The following CPAMD8 variants were observed in gnomAD, a reference collection of about 807,000 sequenced individuals.
The protein encoded by CPAMD8 is C3 and PZP-like alpha-2-macroglobulin domain-containing protein 8.
CPAMD8 carries 146 observed loss-of-function variants against 224.7 expected under a neutral mutation model. That is an observed-to-expected ratio of 0.65 (90% CI 0.57 to 0.75). The LOEUF (loss-of-function observed/expected upper bound fraction) is 0.75, where lower values mean the gene tolerates loss of function less well. Ranked by LOEUF, CPAMD8 falls within the 30% of genes least tolerant of loss-of-function variation. The pLI is 0.00. For missense variants in CPAMD8, 2,301 were observed against 2,537.5 expected (o/e 0.91, Z 2.00); for synonymous variants, 966 against 1,044.6 (o/e 0.92, Z 1.45).
intron 13 of CPAMD8, among the ~76,000 whole-genome samples, chr19:16,982,625 A>C (rs1287235044): frequency 6.6e-6 from 1 of 152,026 alleles, no homozygotes; most frequent in Admixed American, 6.6e-5. Flanking sequence ...GCTTGAGTTC[A>C]GGAGTTCAAG....
rs919858397 is a variant in CPAMD8 at position 16,954,857 on chromosome 19, G to A, written c.2277-2657C>T. On this transcript the variant is annotated intron_variant, in intron 19 of 41. Transcript: ENST00000443236. ...AATTAGCTAGGCATTGGCTGGGCACGGTGGCTCATGCCTGCAATCCCAGCA... is the reference window on the plus strand; with the variant it reads ...AATTAGCTAGGCATTGGCTGGGCACAGTGGCTCATGCCTGCAATCCCAGCA... 6.4e-4 allele frequency among the ~76,000 whole-genome samples: 96 copies of A among 150,802 alleles called. 1 individual carries two copies. The highest frequency in any genetic ancestry group is 2.1e-3 in the African/African-American group (88 of 41,002).
intron 23 of CPAMD8, among the ~76,000 whole-genome samples, chr19:16,932,572 G>A (rs940755010): frequency 6.7e-6 from 1 of 148,954 alleles, no homozygotes; most frequent in African/African-American, 2.6e-5. Context: ...AAAATAGGAA[G>A]CTTCAATAAT....
At chr19:16,986,578 G>C (rs995230133) in intron 13 of CPAMD8, among the ~76,000 whole-genome samples, 2 of 152,148 alleles carry the variant, frequency 1.3e-5, no homozygotes, top group East Asian at 1.9e-4. Context: ...TCTGCAAAGG[G>C]CTGTTAATCC....
intron 23 of CPAMD8, 94 bp downstream of exon 23, chr19:16,938,301 C>A (rs186705012): frequency 4.9e-6 from 3 of 615,192 alleles, no homozygotes; most frequent in Non-Finnish European, 2.8e-6. Context: ...CACTTTGCAG[C>A]GGGACAGCCC....
At chr19:16,939,148 A>ATTTT (rs1227513791) in intron 22 of CPAMD8, among the ~76,000 whole-genome samples, 5 of 146,072 alleles carry the variant, frequency 3.4e-5, no homozygotes, top group Admixed American at 1.4e-4. Context: ...AGGATGGTCA[A>ATTTT]TTTTATTTAT....
intron 26 of CPAMD8, among the ~76,000 whole-genome samples, chr19:16,923,685 C>T (rs936363467): frequency 3.9e-5 from 6 of 152,156 alleles, no homozygotes; most frequent in African/African-American, 9.7e-5. Flanking sequence ...AAAGAGAGGC[C>T]GGGCATCGTG....
chr19:16,960,567 CT>C (rs78412211), intron 18 of CPAMD8, among the ~76,000 whole-genome samples: 28,013 of 147,124 alleles, frequency 0.19, 2,845 homozygotes, highest in Admixed American at 0.26. Context: ...TTCTTCTATT[CT>C]TTTTTTTTTT....
At chr19:16,912,704 A>C (rs912752099) in intron 29 of CPAMD8, among the ~76,000 whole-genome samples, 1 of 152,120 alleles carries the variant, frequency 6.6e-6, no homozygotes, top group Non-Finnish European at 1.5e-5. Flanking sequence ...CCCTCACCCC[A>C]AGCCAAAGAG....
At chr19:17,019,591 T>C (rs4808554) in intron 3 of CPAMD8, among the ~76,000 whole-genome samples, 26,317 of 152,088 alleles carry the variant, frequency 0.17, 2,358 homozygotes, top group East Asian at 0.27. Context: ...GGCCTCACTC[T>C]GTTGCCCAGG....
rs1194501274 is a variant in CPAMD8 at position 16,942,649 on chromosome 19, C to T, written c.2793+2900G>A. ...CTGGGTCCCAAGAAACCTCTGCTGA[C>T]TCAGCTCACAGAGGACCCCACAGCT... On this transcript the variant is annotated intron_variant, in intron 22 of 41. Coordinates refer to ENST00000443236, the MANE Select transcript of CPAMD8 (RefSeq NM_015692.5). Among the ~76,000 whole-genome samples the T allele has an allele frequency of 3.3e-5, 5 of 152,296 alleles. No homozygotes were observed. The South Asian group carries it at 1.0e-3, about 32-fold the overall frequency.
intron 10 of CPAMD8, among the ~76,000 whole-genome samples, chr19:16,999,790 G>C (rs2056253047): frequency 1.3e-5 from 2 of 152,042 alleles, no homozygotes; most frequent in African/African-American, 4.8e-5. Flanking sequence ...TAAGAGCTGG[G>C]ACTCCAGGCA....
At chr19:16,943,011 CTTTT>C (rs770885168) in intron 22 of CPAMD8, among the ~76,000 whole-genome samples, 1 of 79,434 alleles carries the variant, frequency 1.3e-5, no homozygotes. Flanking sequence ...TTTCTTTTTT[CTTTT>C]TTTTTTTTTT....
At chr19:16,959,462 A>C (rs2054579871) in intron 18 of CPAMD8, among the ~76,000 whole-genome samples, 1 of 151,838 alleles carries the variant, frequency 6.6e-6, no homozygotes. Context: ...GGTGTGGGCC[A>C]CTGTGCCTGG....
chr19:16,912,649 T>A (rs996369181), intron 29 of CPAMD8, among the ~76,000 whole-genome samples: 6 of 152,062 alleles, frequency 3.9e-5, no homozygotes, highest in African/African-American at 1.4e-4. Flanking sequence ...CTCGGGAGTC[T>A]GAAGCTGCCA....
intron 17 of CPAMD8, among the ~76,000 whole-genome samples, chr19:16,974,133 T>G (rs1234099093): frequency 1.3e-5 from 2 of 151,218 alleles, no homozygotes; most frequent in Non-Finnish European, 2.9e-5. Context: ...CAGCCAGCAT[T>G]AGCCCTTTTT....
intron 22 of CPAMD8, among the ~76,000 whole-genome samples, chr19:16,941,866 G>T (rs1422009809): frequency 1.3e-5 from 2 of 152,062 alleles, no homozygotes; most frequent in Non-Finnish European, 2.9e-5. Flanking sequence ...CCAGCTATTC[G>T]GGAGGCTGAG....
intron 41 of CPAMD8, chr19:16,895,778 AC>A (rs1350176232): frequency 5.0e-6 from 2 of 400,128 alleles, no homozygotes; most frequent in Non-Finnish European, 1.0e-5. Flanking sequence ...GGGATGCTGA[AC>A]CTTAGCTAAC....
At chr19:16,948,091 T>TAC (rs199713890) in intron 20 of CPAMD8, among the ~76,000 whole-genome samples, 1 of 151,902 alleles carries the variant, frequency 6.6e-6, no homozygotes, top group Non-Finnish European at 1.5e-5. Flanking sequence ...TGCATGTGCA[T>TAC]TGTGGGTGCA....
chr19:16,915,993 C>T (rs1247999508), intron 27 of CPAMD8, among the ~76,000 whole-genome samples: 2 of 150,954 alleles, frequency 1.3e-5, no homozygotes, highest in East Asian at 1.9e-4. Context: ...CTCTCCCTCC[C>T]TCCCTTCCTC....
Sources: gnomAD v4.1 joint callset for allele counts (sites outside exome capture counted in the v4.1 genomes callset) on GRCh38, gnomAD v4.1.1 for gene constraint, MANE v1.5 for transcripts, NCBI Gene and HGNC (gene_info 2026-07-23, HGNC 2026-07-21) for gene names.